The following RBM4 variants were observed in gnomAD, a reference collection of about 807,000 sequenced individuals.
RBM4 encodes RNA-binding protein 4.
A neutral mutation model predicts 29.5 loss-of-function variants in RBM4; 7 were observed. The ratio of observed to expected loss-of-function variants is 0.24; its 90% CI spans 0.14 to 0.45. The LOEUF is 0.45. Among genes scored for constraint, RBM4 ranks in the 20% least tolerant of loss-of-function variants. The pLI is 1.00. For missense variants in RBM4, 387 were observed against 502.3 expected, an observed-to-expected ratio of 0.77 and a Z score of 2.19; for synonymous variants, 220 against 205.4, an observed-to-expected ratio of 1.07 and a Z score of -0.61.
At position 66,643,300 on chromosome 11, in the gene RBM4, CTTT is replaced by C; in HGVS notation, c.413-140_413-138del. ...ATTATACTGAATCTATATGTTGAGT[CTTT>C]TTTTTTTTTCCTTTTTATCTTTTCC... On this transcript the variant is annotated intron_variant, in intron 2 of 3. Transcript: ENST00000310092. The surrounding 1 kb of genome is among the most constrained non-coding windows in gnomAD (Gnocchi z 6.1). 1.3e-5 allele frequency: 11 copies of C among 851,384 alleles called. No homozygotes were observed. The highest frequency in any genetic ancestry group is 3.2e-5 in the East Asian group (1 of 31,070). 52.7% of individuals were successfully genotyped at this position (851,384 alleles called of 1,614,324 possible).
At position 66,646,099 on chromosome 11, in the gene RBM4, C is replaced by T. The variant is rs1251855408; in HGVS notation, c.*81C>T. On this transcript the variant is annotated 3_prime_UTR_variant, in exon 4 of 4. Transcript: ENST00000310092. ...ATACACCCTTCGTGGTACCCCATCT[C>T]CGGGACGTTCTCGGCTCTGTGCGTT... 1 of 1,535,524 alleles carries T rather than the reference C, an allele frequency of 6.5e-7. No homozygotes were observed. Among genetic ancestry groups the T allele is most frequent in the African/African-American group, 1.4e-5 (1 of 73,166 alleles).
chr11:66,649,893 C>A (rs1938788805), downstream of RBM4: 1 of 570,430 alleles, frequency 1.8e-6, no homozygotes, highest in South Asian at 2.1e-5. Flanking sequence ...TGTAGTTTTT[C>A]AAGAGTAATG....
chr11:66,639,790 A>G lies in RBM4; in HGVS notation c.79A>G (p.Lys27Glu). 6.2e-7 allele frequency: 1 copy of G among 1,614,122 alleles called. No individual in the cohort carries two copies. The highest frequency in any genetic ancestry group is 1.1e-5 in the South Asian group (1 of 91,082). ...TCGCTCACTCTTCGAGCAGTATGGG[A>G]AGGTGCTGGAATGTGACATCATTAA... is the stretch of plus-strand genomic sequence containing the variant. Reference protein sequence around the residue: ...EIRSLFEQYGKVLECDIIKNY... With the variant: ...EIRSLFEQYGEVLECDIIKNY... Residue 27 changes from lysine (K) to glutamate (E), a missense_variant, in exon 2 of 4, where the codon AAG (lysine) becomes GAG (glutamate). Physicochemically the swap from Lys to Glu is moderately conservative, Grantham distance 56. Coordinates refer to ENST00000310092, the MANE Select transcript of RBM4 (RefSeq NM_002896.4).
intron 2 of RBM4, chr11:66,665,571 T>G (rs1417188258): frequency 6.5e-7 from 1 of 1,535,612 alleles, no homozygotes. Flanking sequence ...AGTCCGCAAT[T>G]ATCCTACCTG....
At position 66,639,706 on chromosome 11, in the gene RBM4, G is replaced by C. The variant is rs773704438; in HGVS notation, c.-6G>C. 1.9e-6 allele frequency: 3 copies of C among 1,612,824 alleles called. No individual in the cohort carries two copies. In the African/African-American group the frequency reaches 4.0e-5, roughly 22 times the overall value. On this transcript the variant is annotated 5_prime_UTR_variant, in exon 2 of 4. Coordinates refer to ENST00000310092, the MANE Select transcript of RBM4 (RefSeq NM_002896.4). ...TCTTGTTTTTCTCTCCCAGGCTCTTGTCAGGATGGTGAAGCTGTTCATCGG... is the reference window on the plus strand; with the variant it reads ...TCTTGTTTTTCTCTCCCAGGCTCTTCTCAGGATGGTGAAGCTGTTCATCGG...
At position 66,658,334 on chromosome 11, in the gene RBM4, G is replaced by T. The variant is rs1938996676; in HGVS notation, c.413-7522G>T. On this transcript the variant is annotated intron_variant, in intron 2 of 2. Coordinates refer to the RBM4 transcript ENST00000396053. ...TGAGCCACTGTGCCTGGCCTAGTCT[G>T]ACCTTTTTTTTTTTTTTTTTTTTTT... Among the ~76,000 whole-genome samples the T allele has an allele frequency of 3.7e-5, 3 of 81,480 alleles. No homozygotes were observed. The South Asian group carries it at 1.5e-3, about 40-fold the overall frequency. The allele number at this position is 81,480 out of a possible 152,430, so 53.5% of individuals were successfully genotyped here.
chr11:66,663,198 A>G (rs1939117532), intron 2 of RBM4, among the ~76,000 whole-genome samples: 3 of 152,244 alleles, frequency 2.0e-5, no homozygotes, highest in Non-Finnish European at 4.4e-5. Flanking sequence ...TAAGATGTCC[A>G]TAATCTAGAA....
intron 2 of RBM4, chr11:66,665,513 G>A: frequency 7.9e-7 from 1 of 1,263,992 alleles, no homozygotes; most frequent in East Asian, 2.5e-5. Flanking sequence ...CCCGGCAAAG[G>A]GGACCGCGCG....
At chr11:66,642,252 A>G (rs1460208039) in intron 2 of RBM4, among the ~76,000 whole-genome samples, 1 of 152,224 alleles carries the variant, frequency 6.6e-6, no homozygotes, top group Non-Finnish European at 1.5e-5. Flanking sequence ...CTAATGTTAG[A>G]GGATCCATTT....
chr11:66,660,849 G>A (rs1939068383), intron 2 of RBM4, among the ~76,000 whole-genome samples: 1 of 151,468 alleles, frequency 6.6e-6, no homozygotes, highest in South Asian at 2.1e-4. Context: ...TAGAGGCAGG[G>A]TTTCACCATG....
At chr11:66,665,609 A>G (rs1303788559) in intron 2 of RBM4, 2 of 1,535,906 alleles carry the variant, frequency 1.3e-6, no homozygotes, top group Admixed American at 3.9e-5. Context: ...AGAGGCTTAC[A>G]CAATGCCTGG....
chr11:66,657,746 C>T (rs989991647), intron 2 of RBM4, among the ~76,000 whole-genome samples: 1 of 150,554 alleles, frequency 6.6e-6, no homozygotes, highest in Admixed American at 6.6e-5. Context: ...CCCTCCCCCA[C>T]CTTTTTTTTG....
chr11:66,649,416 G>A (rs186668928), downstream of RBM4, among the ~76,000 whole-genome samples: 23 of 152,282 alleles, frequency 1.5e-4, no homozygotes, highest in Admixed American at 1.2e-3. Flanking sequence ...GTGGTGATAC[G>A]CAGCTGAAGT....
At chr11:66,660,603 A>G (rs1939057573) in intron 2 of RBM4, among the ~76,000 whole-genome samples, 1 of 150,234 alleles carries the variant, frequency 6.7e-6, no homozygotes, top group Admixed American at 6.6e-5. Flanking sequence ...CGGCTCCCAA[A>G]GTGCTGGGAT....
chr11:66,643,863 C>T lies in RBM4; in HGVS notation c.826C>T (p.Leu276=). ...CTCTCTCGATCCCTACGATAGACAC[C>T]TGTTGCCGACCTCAGGAGCTGCTGC... ...STSLDPYDRH[L]LPTSGAAATA... is the part of the protein sequence containing the mutation. The change falls in exon 3 of 4, where the codon CTG becomes TTG. Residue 276 remains leucine (L), a synonymous_variant. Coordinates refer to ENST00000310092, the MANE Select transcript of RBM4 (RefSeq NM_002896.4). This position sits in a 1 kb window ranked among gnomAD's most constrained non-coding sequence, Gnocchi z 6.1. 1 of 1,613,906 alleles carries T rather than the reference C, an allele frequency of 6.2e-7. No individual in the cohort carries two copies. Among genetic ancestry groups the T allele is most frequent in the Non-Finnish European group, 8.5e-7 (1 of 1,179,992 alleles).
At chr11:66,652,035 CTGAATATTAAAATAATAATCTGA>C (rs969375723) in intron 2 of RBM4, among the ~76,000 whole-genome samples, 2 of 152,086 alleles carry the variant, frequency 1.3e-5, no homozygotes, top group Non-Finnish European at 2.9e-5. Flanking sequence ...CGTAGCAGCT[CTGAATATTAAAATAATAATCTGA>C]TGAAGTGGCG....
intron 2 of RBM4, among the ~76,000 whole-genome samples, chr11:66,658,727 A>G (rs972698984): frequency 6.6e-6 from 1 of 151,978 alleles, no homozygotes; most frequent in Non-Finnish European, 1.5e-5. Context: ...ACTTGATGTC[A>G]GGAGTTTGAG....
intron 2 of RBM4, among the ~76,000 whole-genome samples, chr11:66,654,488 T>G (rs905996767): frequency 2.6e-5 from 4 of 151,772 alleles, no homozygotes; most frequent in African/African-American, 9.7e-5. Context: ...AGAGTGAGAC[T>G]CCATCTCAAA....
chr11:66,652,046 A>T (rs180970748), intron 2 of RBM4, among the ~76,000 whole-genome samples: 16 of 152,264 alleles, frequency 1.1e-4, no homozygotes, highest in Admixed American at 1.0e-3. Flanking sequence ...TGAATATTAA[A>T]ATAATAATCT....
Sources: gnomAD v4.1 joint callset for allele counts (sites outside exome capture counted in the v4.1 genomes callset) on GRCh38, gnomAD v4.1.1 for gene constraint, Gnocchi (gnomAD v3.1) non-coding constraint, MANE v1.5 for transcripts, NCBI Gene and HGNC (gene_info 2026-07-23, HGNC 2026-07-21) for gene names.